Variants in RAG1 observed in about 807,000 individuals in gnomAD.
The protein encoded by RAG1 is V(D)J recombination-activating protein 1.
A neutral mutation model predicts 62.7 loss-of-function variants in RAG1; 35 were observed. The ratio of observed to expected loss-of-function variants is 0.56; its 90% CI spans 0.43 to 0.74. The LOEUF is 0.74. RAG1 is among the 30% of genes least tolerant of loss of function. The pLI is 0.00. For missense variants in RAG1, 1,169 were observed against 1,278.6 expected, an observed-to-expected ratio of 0.91 and a Z score of 1.31; for synonymous variants, 461 against 470.3, an observed-to-expected ratio of 0.98 and a Z score of 0.26.
Position 36,576,379 on chromosome 11 carries a change from A to AG in RAG1, c.3079dup (p.Asp1027GlyfsTer38), listed in dbSNP as rs1302203062. ...TTACCATGAACCCTCAGGCAAGCTT[A>AG]GGGGACCCATTAGGCATAGAGGACT... On this transcript the variant is annotated frameshift_variant, in exon 2 of 2. Transcript: ENST00000299440. LOFTEE classifies it high-confidence loss of function. The AG allele has an allele frequency of 6.2e-7, 1 of 1,614,056 alleles. No individual in the cohort carries two copies. Among genetic ancestry groups the AG allele is most frequent in the African/African-American group, 1.3e-5 (1 of 74,938 alleles).
downstream of RAG1, among the ~76,000 whole-genome samples, chr11:36,538,643 A>C (rs1590675275): frequency 6.6e-6 from 1 of 152,174 alleles, no homozygotes; most frequent in East Asian, 1.9e-4. Context: ...GAAGTTTTCG[A>C]GCGGTTTTTT....
chr11:36,559,805 G>T (rs1253808848), intron 3 of RAG1, among the ~76,000 whole-genome samples: 3 of 152,034 alleles, frequency 2.0e-5, no homozygotes, highest in Admixed American at 6.6e-5. Context: ...ATCTGTATTT[G>T]CTTGTATCTT....
chr11:36,518,193 G>A (rs537622492), intron 1 of RAG1, among the ~76,000 whole-genome samples: 56 of 152,070 alleles, frequency 3.7e-4, no homozygotes, highest in African/African-American at 1.2e-3. Context: ...TGGCTGCATA[G>A]TATTCCATGG....
intron 2 of RAG1, among the ~76,000 whole-genome samples, chr11:36,534,780 A>G (rs938388830): frequency 1.3e-5 from 2 of 152,158 alleles, no homozygotes; most frequent in African/African-American, 4.8e-5. Flanking sequence ...TTTAATTTTT[A>G]AGCCTTTAAA....
At chr11:36,543,717 T>A (rs538377814) in intron 3 of RAG1, among the ~76,000 whole-genome samples, 1 of 152,348 alleles carries the variant, frequency 6.6e-6, no homozygotes, top group African/African-American at 2.4e-5. Context: ...GATTTATTAT[T>A]TATGGAATAC....
In RAG1 at chr11:36,576,505, C is replaced by T; in HGVS notation, c.*69C>T. ...CTCTGGGTTGCATTGAGGGCTTCTC[C>T]TAGCACCCTTTACTGCTGTGTATGG... On this transcript the variant is annotated 3_prime_UTR_variant, in exon 2 of 2. Transcript: ENST00000299440. The T allele has an allele frequency of 2.6e-6, 4 of 1,564,566 alleles. No homozygotes were observed. Among genetic ancestry groups the T allele is most frequent in the Non-Finnish European group, 3.5e-6 (4 of 1,136,824 alleles).
At chr11:36,567,512 A>G (rs1229995657), upstream of RAG1, 2 of 152,228 alleles carry the variant, frequency 1.3e-5, no homozygotes, top group African/African-American at 2.4e-5. Flanking sequence ...AGATTTGACC[A>G]GGTTGAAAGG....
downstream of RAG1, among the ~76,000 whole-genome samples, chr11:36,540,315 T>A (rs1402850521): frequency 6.6e-6 from 1 of 152,248 alleles, no homozygotes; most frequent in Non-Finnish European, 1.5e-5. Flanking sequence ...CGATGTCACT[T>A]GCCAATTGAA....
At chr11:36,528,743 A>G (rs1298180489) in intron 2 of RAG1, among the ~76,000 whole-genome samples, 2 of 151,742 alleles carry the variant, frequency 1.3e-5, no homozygotes, top group African/African-American at 4.8e-5. Context: ...AAAATAGACC[A>G]CTAGCAAGAC....
chr11:36,571,965 C>G (rs1256107768), intron 1 of RAG1, among the ~76,000 whole-genome samples: 1 of 152,118 alleles, frequency 6.6e-6, no homozygotes, highest in Non-Finnish European at 1.5e-5. Context: ...ATAGAACAAA[C>G]TTCAGTAAAG....
chr11:36,571,059 C>T (rs1850732576), intron 1 of RAG1, among the ~76,000 whole-genome samples: 1 of 152,062 alleles, frequency 6.6e-6, no homozygotes, highest in South Asian at 2.1e-4. Context: ...GCTTTGGTTG[C>T]CTTCCACAGG....
At chr11:36,541,746 G>A (rs1361146780) in intron 3 of RAG1, among the ~76,000 whole-genome samples, 1 of 152,106 alleles carries the variant, frequency 6.6e-6, no homozygotes, top group Non-Finnish European at 1.5e-5. Flanking sequence ...GTGCTAGCCT[G>A]CAAAGTAGTT....
At chr11:36,570,589 AC>A (rs1167334854) in intron 1 of RAG1, among the ~76,000 whole-genome samples, 2 of 151,974 alleles carry the variant, frequency 1.3e-5, no homozygotes, top group Non-Finnish European at 2.9e-5. Flanking sequence ...TTTTTTGAGG[AC>A]CTCCATACTA....
At chr11:36,534,099 T>A (rs948304930) in intron 2 of RAG1, among the ~76,000 whole-genome samples, 1 of 152,086 alleles carries the variant, frequency 6.6e-6, no homozygotes, top group Non-Finnish European at 1.5e-5. Flanking sequence ...AGGTAATTTT[T>A]AAATATTTAT....
At chr11:36,564,666 A>G (rs1290997585), upstream of RAG1, among the ~76,000 whole-genome samples, 1 of 152,248 alleles carries the variant, frequency 6.6e-6, no homozygotes, top group African/African-American at 2.4e-5. Flanking sequence ...TTAATAACAC[A>G]TTAGAAATTT....
intron 1 of RAG1, among the ~76,000 whole-genome samples, chr11:36,569,765 AT>A (rs1156429332): frequency 6.6e-6 from 1 of 152,250 alleles, no homozygotes; most frequent in Admixed American, 6.5e-5. Context: ...CCTCTTATCA[AT>A]GCCAATTCTA....
chr11:36,513,518 C>A (rs1487577820), intron 1 of RAG1, among the ~76,000 whole-genome samples: 1 of 152,176 alleles, frequency 6.6e-6, no homozygotes, highest in Non-Finnish European at 1.5e-5. Flanking sequence ...GTGTGGCAGC[C>A]TGCCTTGAAG....
chr11:36,559,178 C>G (rs890438470), intron 3 of RAG1, among the ~76,000 whole-genome samples: 1 of 152,018 alleles, frequency 6.6e-6, no homozygotes, highest in South Asian at 2.1e-4. Flanking sequence ...CACATTGTTT[C>G]CTTGCCCACA....
chr11:36,543,485 G>A (rs534494603), intron 3 of RAG1, among the ~76,000 whole-genome samples: 4 of 152,176 alleles, frequency 2.6e-5, no homozygotes, highest in South Asian at 2.1e-4. Context: ...GACCCTCCCC[G>A]CCCTCAGATC....
Sources: gnomAD v4.1 joint callset for allele counts (sites outside exome capture counted in the v4.1 genomes callset) on GRCh38, gnomAD v4.1.1 for gene constraint, MANE v1.5 for transcripts, NCBI Gene and HGNC (gene_info 2026-07-23, HGNC 2026-07-21) for gene names.